The following ACYP1 variants were observed in gnomAD, a reference collection of about 807,000 sequenced individuals.
ACYP1 encodes the protein acylphosphatase-1.
In ACYP1, 8 loss-of-function variants were observed where a neutral mutation model predicts 10.4. The observed-to-expected ratio is 0.77, with a 90% CI of 0.45 to 1.38. The LOEUF is 1.38. Ranked by LOEUF, ACYP1 falls within the 40% of genes most tolerant of loss-of-function variation. The probability of loss-of-function intolerance (pLI) is 0.00; values close to 1 mark genes in which losing one functional copy is unlikely to be tolerated. For synonymous variants in ACYP1, 38 were observed against 40.8 expected (o/e 0.93, Z 0.26); for missense variants, 93 against 117.3 (o/e 0.79, Z 0.96).
At chr14:75,055,713 C>G (rs900384754) in intron 2 of ACYP1, among the ~76,000 whole-genome samples, 76 of 151,420 alleles carry the variant, frequency 5.0e-4, no homozygotes, top group Non-Finnish European at 1.0e-3. Context: ...AGATTTCCAC[C>G]TTAGGATACT....
In ACYP1 at chr14:75,053,264, GATTA is replaced by G. The variant is rs1290691522; in HGVS notation, c.*176_*179del. ...AGCAGAAGGTTCTAACGTTTTTATTGATTAGATTTGTGTACAGTGGTAATCCTTC... is the reference window on the plus strand; with the variant it reads ...AGCAGAAGGTTCTAACGTTTTTATTGGATTTGTGTACAGTGGTAATCCTTC... On this transcript the variant is annotated 3_prime_UTR_variant, in exon 3 of 3. Transcript: ENST00000238618. The G allele has an allele frequency of 4.8e-5, 30 of 619,540 alleles. No individual in the cohort carries two copies. Among genetic ancestry groups the G allele is most frequent in the Non-Finnish European group, 4.2e-5 (15 of 360,614 alleles). The allele number at this position is 619,540 out of a possible 1,614,324, so 38.4% of individuals were successfully genotyped here.
intron 2 of ACYP1, chr14:75,059,995 T>C: frequency 3.1e-6 from 1 of 326,888 alleles, no homozygotes; most frequent in East Asian, 4.7e-5. Context: ...GAATACAGAG[T>C]TTCAGTTTTG....
intron 2 of ACYP1, among the ~76,000 whole-genome samples, chr14:75,055,333 T>C (rs916772765): frequency 2.0e-5 from 3 of 151,190 alleles, no homozygotes; most frequent in Non-Finnish European, 4.4e-5. Flanking sequence ...ATGATCCGCC[T>C]GCCTCGGCCT....
intron 1 of ACYP1, 143 bp from the exon 2 acceptor site, chr14:75,063,704 G>T: frequency 1.4e-6 from 1 of 727,774 alleles, no homozygotes; most frequent in Non-Finnish European, 2.2e-6. Context: ...AAATGGAAAC[G>T]TGAGTGGATG....
At chr14:75,058,319 G>A (rs1438698814) in intron 2 of ACYP1, among the ~76,000 whole-genome samples, 1 of 151,108 alleles carries the variant, frequency 6.6e-6, no homozygotes, top group South Asian at 2.1e-4. Flanking sequence ...TGTGGTGGCG[G>A]GTGCCTGTAA....
intron 1 of ACYP1, chr14:75,069,199 T>C (rs1893230492): frequency 6.6e-7 from 1 of 1,516,644 alleles, no homozygotes; most frequent in South Asian, 1.2e-5. Context: ...AGCGCGCGCG[T>C]GCAGCCATAC....
rs1372135748 is a variant in ACYP1 at position 75,053,664 on chromosome 14, G to C, written c.85-5C>G. On this transcript the variant is annotated splice_region_variant and splice_polypyrimidine_tract_variant and intron_variant, in intron 2 of 2. Transcript: ENST00000238618. The stretch of plus-strand genomic sequence containing the variant: ...TCCCAGCTTTTTACCCTCAGCCTAA[G>C]GGGGGTAAAAAGAGAGAGAGATCCA... The C allele has an allele frequency of 7.4e-6, 12 of 1,612,968 alleles. No individual in the cohort carries two copies. The highest frequency in any genetic ancestry group is 1.0e-5 in the Non-Finnish European group (12 of 1,179,136).
At chr14:75,059,990 C>T (rs371600004) in intron 2 of ACYP1, 3 of 318,908 alleles carry the variant, frequency 9.4e-6, no homozygotes, top group African/African-American at 2.1e-5. Context: ...TTAATGAATA[C>T]AGAGTTTCAG....
intron 2 of ACYP1, among the ~76,000 whole-genome samples, chr14:75,055,288 T>G (rs957349287): frequency 2.0e-5 from 3 of 150,792 alleles, no homozygotes; most frequent in African/African-American, 7.4e-5. Flanking sequence ...GGGGTTTCAC[T>G]GTGTTAGCCA....
Position 75,053,585 on chromosome 14 carries a change from T to G in ACYP1, c.159A>C (p.Gln53His). Residue 53 changes from glutamine to histidine, a missense_variant, in exon 3 of 3, where the codon CAA becomes CAC. Transcript: ENST00000238618. Reference sequence around the variant, plus strand: ...TATGACGCACCTTGGAGATGGGACCTTGCAATTGTCCTTGCACTGTGCCCC... The same window carrying G: ...TATGACGCACCTTGGAGATGGGACCGTGCAATTGTCCTTGCACTGTGCCCC... ...TDRGTVQGQL[Q>H]GPISKVRHMQ... 6.2e-7 allele frequency: 1 copy of G among 1,614,182 alleles called. No individual in the cohort carries two copies.
At chr14:75,053,692 G>T in intron 2 of ACYP1, 33 bp from the exon 3 acceptor site, 1 of 1,591,124 alleles carries the variant, frequency 6.3e-7, no homozygotes, top group Non-Finnish European at 8.6e-7. Flanking sequence ...GAGATCCAGT[G>T]AGATTGAAGA....
At chr14:75,056,823 T>C (rs1892889234) in intron 2 of ACYP1, among the ~76,000 whole-genome samples, 1 of 151,662 alleles carries the variant, frequency 6.6e-6, no homozygotes, top group African/African-American at 2.4e-5. Flanking sequence ...ATACCTCTTT[T>C]ATGATCAAAA....
exon 1 of ACYP1, chr14:75,069,236 G>T (rs1057063040): frequency 2.0e-6 from 3 of 1,502,632 alleles, no homozygotes; most frequent in African/African-American, 1.4e-5. Context: ...GCAGCCGAGC[G>T]CGCGGAGAAA....
chr14:75,056,383 G>A (rs771866656), intron 2 of ACYP1, among the ~76,000 whole-genome samples: 1 of 151,428 alleles, frequency 6.6e-6, no homozygotes, highest in Non-Finnish European at 1.5e-5. Flanking sequence ...TGGGACTGTG[G>A]TACTTAAAAT....
upstream of ACYP1, among the ~76,000 whole-genome samples, chr14:75,067,182 T>TACAC (rs60274425): frequency 8.9e-4 from 131 of 147,358 alleles, no homozygotes; most frequent in South Asian, 2.2e-3. Context: ...TGTCTGGAAC[T>TACAC]ACACACACAC....
chr14:75,060,267 A>G (rs1448468131), intron 2 of ACYP1: 8 of 693,340 alleles, frequency 1.2e-5, no homozygotes, highest in Non-Finnish European at 7.9e-6. Context: ...AATACCTGAA[A>G]AACAAACAAA....
chr14:75,054,987 T>G (rs1892839200), intron 2 of ACYP1, among the ~76,000 whole-genome samples: 1 of 151,294 alleles, frequency 6.6e-6, no homozygotes, highest in Non-Finnish European at 1.5e-5. Flanking sequence ...TTATCTTATA[T>G]GGTAAATAGC....
At position 75,053,409 on chromosome 14, in the gene ACYP1, A is replaced by G. The variant is rs530804361; in HGVS notation, c.*35T>C. The stretch of plus-strand genomic sequence containing the variant: ...CTCTATTAATAATAAAAACCAAACC[A>G]CTGAGTTTATCTTAGAAAACTTAAA... On this transcript the variant is annotated 3_prime_UTR_variant, in exon 3 of 3. Transcript: ENST00000238618. 6.4e-7 allele frequency: 1 copy of G among 1,574,688 alleles called. No homozygotes were observed. The highest frequency in any genetic ancestry group is 1.1e-5 in the South Asian group (1 of 90,110).
upstream of ACYP1, among the ~76,000 whole-genome samples, chr14:75,065,397 T>C (rs1321865966): frequency 1.3e-5 from 2 of 152,226 alleles, no homozygotes; most frequent in Admixed American, 6.5e-5. Flanking sequence ...CATACAACCT[T>C]AGTGCTGAGA....
Sources: allele counts gnomAD v4.1 joint callset (sites outside exome capture counted in the v4.1 genomes callset), GRCh38; gene constraint gnomAD v4.1.1; transcripts MANE v1.5; gene names NCBI Gene and HGNC (gene_info 2026-07-23, HGNC 2026-07-21).